Variants in RFX3 observed in about 807,000 individuals in gnomAD.
RFX3 encodes the protein regulatory factor X3.
A neutral mutation model predicts 98.6 loss-of-function variants in RFX3; 14 were observed. The observed-to-expected ratio is 0.14, with a 90% CI of 0.09 to 0.22. The LOEUF (loss-of-function observed/expected upper bound fraction) is 0.22, where lower values mean the gene tolerates loss of function less well. Ranked by LOEUF, RFX3 falls within the 10% of genes least tolerant of loss-of-function variation. The pLI, the probability that RFX3 is intolerant of heterozygous loss-of-function variation, is 1.00. For missense variants in RFX3, 639 were observed against 926.9 expected, an observed-to-expected ratio of 0.69 and a Z score of 4.03; for synonymous variants, 383 against 328.4, an observed-to-expected ratio of 1.17 and a Z score of -1.80.
At chr9:3,296,247 A>C (rs1382417665) in intron 5 of RFX3, among the ~76,000 whole-genome samples, 2 of 151,902 alleles carry the variant, frequency 1.3e-5, no homozygotes, top group Non-Finnish European at 2.9e-5. Flanking sequence ...GGTTAATCAG[A>C]CCACTCTTCA....
chr9:3,296,150 T>C (rs1827958395), intron 5 of RFX3, among the ~76,000 whole-genome samples: 1 of 151,934 alleles, frequency 6.6e-6, no homozygotes. Flanking sequence ...TTACCTTTTA[T>C]AAAAGTAAAA....
At chr9:3,413,114 T>G (rs548140004) in intron 1 of RFX3, among the ~76,000 whole-genome samples, 2 of 150,812 alleles carry the variant, frequency 1.3e-5, no homozygotes, top group African/African-American at 4.9e-5. Flanking sequence ...TGTCATTTTA[T>G]AGCAAGATCG....
chr9:3,262,335 G>A (rs1159142198), intron 13 of RFX3, among the ~76,000 whole-genome samples: 1 of 152,134 alleles, frequency 6.6e-6, no homozygotes, highest in Non-Finnish European at 1.5e-5. Flanking sequence ...AGTGGGTAAT[G>A]TGATCACAAG....
intron 1 of RFX3, among the ~76,000 whole-genome samples, chr9:3,488,098 A>G (rs1380249368): frequency 6.6e-6 from 1 of 152,156 alleles, no homozygotes; most frequent in Non-Finnish European, 1.5e-5. Flanking sequence ...CCCGTTCCCA[A>G]GATACTTCCT....
chr9:3,293,361 A>T (rs888585098), intron 5 of RFX3, 103 bp from the exon 6 acceptor site: 14 of 820,104 alleles, frequency 1.7e-5, no homozygotes, highest in Non-Finnish European at 2.3e-5. Flanking sequence ...GAAGTTCTTC[A>T]TCAAGTCTTA....
At chr9:3,317,158 A>T (rs201763060) in intron 4 of RFX3, among the ~76,000 whole-genome samples, 2 of 152,180 alleles carry the variant, frequency 1.3e-5, no homozygotes, top group East Asian at 1.9e-4. Flanking sequence ...ATGGTACTGG[A>T]ACCAAAACAG....
intron 3 of RFX3, among the ~76,000 whole-genome samples, chr9:3,330,741 G>C (rs1375048717): frequency 6.6e-6 from 1 of 152,110 alleles, no homozygotes; most frequent in East Asian, 1.9e-4. Flanking sequence ...CTGTACTACA[G>C]AGATTTTGCC....
intron 3 of RFX3, among the ~76,000 whole-genome samples, chr9:3,340,556 A>G (rs1330475159): frequency 1.3e-5 from 2 of 152,200 alleles, no homozygotes; most frequent in African/African-American, 2.4e-5. Context: ...CAAATTTACA[A>G]GAAAAAAACA....
chr9:3,341,589 G>A (rs569268433), intron 3 of RFX3, among the ~76,000 whole-genome samples: 1 of 152,012 alleles, frequency 6.6e-6, no homozygotes, highest in Non-Finnish European at 1.5e-5. Flanking sequence ...CAAGTAGTCG[G>A]CTCCTGTTTC....
At chr9:3,393,013 T>C (rs1010594295) in intron 2 of RFX3, among the ~76,000 whole-genome samples, 5 of 121,924 alleles carry the variant, frequency 4.1e-5, no homozygotes, top group Admixed American at 1.1e-4. Context: ...AAAACACATA[T>C]GGTTCAATCT....
At chr9:3,510,538 T>G (rs1817570455) in intron 1 of RFX3, among the ~76,000 whole-genome samples, 1 of 151,988 alleles carries the variant, frequency 6.6e-6, no homozygotes, top group Non-Finnish European at 1.5e-5. Flanking sequence ...CTAAACAACT[T>G]TGAAACACTA....
chr9:3,382,400 A>T (rs1056259914), intron 2 of RFX3, among the ~76,000 whole-genome samples: 29 of 152,188 alleles, frequency 1.9e-4, no homozygotes, highest in Admixed American at 4.6e-4. Flanking sequence ...TAACTTTTTT[A>T]AAAAAATACT....
At chr9:3,259,306 A>G (rs1671235784) in intron 13 of RFX3, among the ~76,000 whole-genome samples, 1 of 152,040 alleles carries the variant, frequency 6.6e-6, no homozygotes, top group African/African-American at 2.4e-5. Flanking sequence ...GATAATCTAA[A>G]ACCTAACTTA....
At chr9:3,263,692 G>T (rs1438660580) in intron 12 of RFX3, among the ~76,000 whole-genome samples, 1 of 152,084 alleles carries the variant, frequency 6.6e-6, no homozygotes, top group Non-Finnish European at 1.5e-5. Context: ...AGGGCTATGC[G>T]GGAAATTTCT....
chr9:3,504,361 T>C (rs1206720693), intron 1 of RFX3, among the ~76,000 whole-genome samples: 5 of 133,444 alleles, frequency 3.7e-5, no homozygotes, highest in Non-Finnish European at 6.1e-5. Flanking sequence ...ATATATTGTA[T>C]ATAAAATATA....
chr9:3,290,852 C>T (rs1157401677), intron 6 of RFX3, among the ~76,000 whole-genome samples: 2 of 152,108 alleles, frequency 1.3e-5, no homozygotes, highest in African/African-American at 4.8e-5. Flanking sequence ...CTATCCCAAA[C>T]TATGGCACCT....
chr9:3,288,831 G>C (rs1826970995), intron 6 of RFX3, among the ~76,000 whole-genome samples: 1 of 152,046 alleles, frequency 6.6e-6, no homozygotes, highest in African/African-American at 2.4e-5. Context: ...AAGAAAGTAA[G>C]CCTTTAATCT....
chr9:3,312,006 C>G (rs554908081), intron 4 of RFX3, among the ~76,000 whole-genome samples: 2 of 152,130 alleles, frequency 1.3e-5, no homozygotes, highest in African/African-American at 4.8e-5. Flanking sequence ...TTGCCCAAAG[C>G]AGTGTTTTTC....
chr9:3,416,595 T>C (rs1843004860), intron 1 of RFX3, among the ~76,000 whole-genome samples: 1 of 152,182 alleles, frequency 6.6e-6, no homozygotes, highest in Non-Finnish European at 1.5e-5. Flanking sequence ...CTCTATCCCA[T>C]TGTCCCTGGT....
Sources: gnomAD v4.1 joint callset for allele counts (sites outside exome capture counted in the v4.1 genomes callset) on GRCh38, gnomAD v4.1.1 for gene constraint, MANE v1.5 for transcripts, NCBI Gene and HGNC (gene_info 2026-07-23, HGNC 2026-07-21) for gene names.